The following CACNA1A variants were observed in gnomAD, a reference collection of about 807,000 sequenced individuals.
The protein encoded by CACNA1A is voltage-dependent P/Q-type calcium channel subunit alpha-1A.
A neutral mutation model predicts 262.4 loss-of-function variants in CACNA1A; 57 were observed. The ratio of observed to expected loss-of-function variants is 0.22; its 90% CI spans 0.18 to 0.27. CACNA1A has a LOEUF of 0.27. Ranked by LOEUF, CACNA1A falls within the 10% of genes least tolerant of loss-of-function variation. CACNA1A has a pLI of 1.00. For missense variants in CACNA1A, 2,526 were observed against 3,562.8 expected, an observed-to-expected ratio of 0.71 and a Z score of 7.41; for synonymous variants, 1,431 against 1,419.3, an observed-to-expected ratio of 1.01 and a Z score of -0.18.
chr19:13,377,996 A>G (rs1482733257), intron 3 of CACNA1A, among the ~76,000 whole-genome samples: 1 of 152,148 alleles, frequency 6.6e-6, no homozygotes, highest in Non-Finnish European at 1.5e-5. Context: ...CAACAAACAA[A>G]CAACAAAAAG....
intron 29 of CACNA1A, among the ~76,000 whole-genome samples, chr19:13,254,479 C>T (rs779434341): frequency 6.6e-6 from 1 of 152,008 alleles, no homozygotes; most frequent in Admixed American, 6.6e-5. Context: ...TCTCCTGCCT[C>T]AGCCTCCCGA....
chr19:13,385,535 C>CT (rs1177924674), intron 3 of CACNA1A, among the ~76,000 whole-genome samples: 2 of 151,664 alleles, frequency 1.3e-5, no homozygotes, highest in Admixed American at 1.3e-4. Context: ...GCCTTCTTTT[C>CT]TTTTTTAGAG....
chr19:13,319,848 A>G (rs1600320149), intron 10 of CACNA1A, among the ~76,000 whole-genome samples: 2 of 152,118 alleles, frequency 1.3e-5, no homozygotes, highest in African/African-American at 4.8e-5. Flanking sequence ...CGTCATCCCC[A>G]TTTTACAGCC....
At chr19:13,309,787 G>T (rs1000232938) in intron 12 of CACNA1A, among the ~76,000 whole-genome samples, 1 of 152,124 alleles carries the variant, frequency 6.6e-6, no homozygotes, top group Non-Finnish European at 1.5e-5. Flanking sequence ...CCTGAATTTT[G>T]TAATAACCAT....
At chr19:13,445,904 G>A (rs12609229) in intron 3 of CACNA1A, among the ~76,000 whole-genome samples, 1 of 152,008 alleles carries the variant, frequency 6.6e-6, no homozygotes, top group Non-Finnish European at 1.5e-5. Context: ...AAACACCGTG[G>A]TGGTCCACAC....
intron 38 of CACNA1A, among the ~76,000 whole-genome samples, chr19:13,215,775 C>G (rs1016084088): frequency 2.6e-5 from 4 of 152,096 alleles, no homozygotes; most frequent in Non-Finnish European, 5.9e-5. Flanking sequence ...CACCACCATG[C>G]CTGGCTATCA....
intron 1 of CACNA1A, among the ~76,000 whole-genome samples, chr19:13,479,731 G>A (rs1335823670): frequency 6.6e-6 from 1 of 152,224 alleles, no homozygotes; most frequent in Non-Finnish European, 1.5e-5. Flanking sequence ...GAGAGCCCAT[G>A]TCCCAGTGGC....
In CACNA1A at chr19:13,332,856, T is replaced by C. The variant is rs2058490266; in HGVS notation, c.1255+13A>G. The C allele has an allele frequency of 6.2e-7, 1 of 1,601,454 alleles. No homozygotes were observed. The highest frequency in any genetic ancestry group is 2.2e-5 in the East Asian group (1 of 44,810). On this transcript the variant is annotated intron_variant, in intron 9 of 46. Transcript: ENST00000360228. Reference sequence around the variant, plus strand: ...CCTGGGACCCACCCCTGAGGTGGGTTTAGAGCAGTTACCATCAAAGGGATG... The same window carrying C: ...CCTGGGACCCACCCCTGAGGTGGGTCTAGAGCAGTTACCATCAAAGGGATG...
At chr19:13,392,387 G>A (rs944262945) in intron 3 of CACNA1A, among the ~76,000 whole-genome samples, 16 of 152,202 alleles carry the variant, frequency 1.1e-4, no homozygotes, top group African/African-American at 1.4e-4. Flanking sequence ...GGAATGAGAA[G>A]ATAATGTGAC....
chr19:13,422,975 A>G (rs1405128731), intron 3 of CACNA1A, among the ~76,000 whole-genome samples: 1 of 152,214 alleles, frequency 6.6e-6, no homozygotes, highest in East Asian at 1.9e-4. Context: ...ACTGTAATAA[A>G]CCATAACTGA....
chr19:13,406,915 C>T (rs534189027), intron 3 of CACNA1A, among the ~76,000 whole-genome samples: 2 of 152,066 alleles, frequency 1.3e-5, no homozygotes, highest in South Asian at 4.2e-4. Context: ...ATTTCCCTCT[C>T]CCAACACACA....
At chr19:13,472,088 G>A (rs957470530) in intron 1 of CACNA1A, among the ~76,000 whole-genome samples, 1 of 151,672 alleles carries the variant, frequency 6.6e-6, no homozygotes, top group South Asian at 2.1e-4. Flanking sequence ...TCAGCCTCCC[G>A]GGTAGCTGGG....
intron 1 of CACNA1A, among the ~76,000 whole-genome samples, chr19:13,482,478 G>A (rs1599352281): frequency 8.7e-6 from 1 of 115,172 alleles, no homozygotes; most frequent in East Asian, 2.1e-4. Context: ...GTGAGACTCC[G>A]TCTCAAAAAA....
At position 13,207,598 on chromosome 19, in the gene CACNA1A, GC is replaced by G; in HGVS notation, c.7235del (p.Gly2412AlafsTer196). ...PGPRHHGYYR[G>X]SDYDEADGPG... ...GGCCATCGGCCTCGTCGTAGTCGGA[GC>G]CCCGGTAGTAGCCATGGTGCCGGGG... On this transcript the variant is annotated frameshift_variant, in exon 47 of 47. Coordinates refer to ENST00000360228, the MANE Select transcript of CACNA1A (RefSeq NM_001127222.2). LOFTEE classifies it high-confidence loss of function. This position sits in a 1 kb window ranked among gnomAD's most constrained non-coding sequence, Gnocchi z 5.7. The G allele has an allele frequency of 6.7e-7, 1 of 1,482,368 alleles. No individual in the cohort carries two copies. The allele number at this position is 1,482,368 out of a possible 1,614,324, so 91.8% of individuals were successfully genotyped here. A position where few individuals can be genotyped will look rare whatever the true frequency, so the allele number is the denominator to read the frequency against.
intron 3 of CACNA1A, among the ~76,000 whole-genome samples, chr19:13,414,398 T>A (rs2144754949): frequency 6.6e-6 from 1 of 151,808 alleles, no homozygotes; most frequent in East Asian, 1.9e-4. Flanking sequence ...AGGCTCTGTC[T>A]CAAAAAAAAA....
chr19:13,355,811 G>A (rs183344957), intron 6 of CACNA1A, among the ~76,000 whole-genome samples: 1 of 152,258 alleles, frequency 6.6e-6, no homozygotes, highest in East Asian at 1.9e-4. Context: ...TCTCTATGGT[G>A]GGGCAGAGGT....
chr19:13,394,757 C>T (rs971923088), intron 3 of CACNA1A, among the ~76,000 whole-genome samples: 6 of 152,150 alleles, frequency 3.9e-5, no homozygotes, highest in Non-Finnish European at 7.3e-5. Context: ...AAATGAAGTT[C>T]TCCGAAGCAG....
At chr19:13,437,018 T>C (rs2060624575) in intron 3 of CACNA1A, among the ~76,000 whole-genome samples, 1 of 152,204 alleles carries the variant, frequency 6.6e-6, no homozygotes, top group Non-Finnish European at 1.5e-5. Flanking sequence ...TTAAATACTT[T>C]ATGTATCATG....
intron 1 of CACNA1A, among the ~76,000 whole-genome samples, chr19:13,463,750 A>G (rs1175104524): frequency 6.6e-6 from 1 of 152,242 alleles, no homozygotes; most frequent in Non-Finnish European, 1.5e-5. Context: ...CATATTATCC[A>G]ACAATGTCCA....
Sources: allele counts gnomAD v4.1 joint callset (sites outside exome capture counted in the v4.1 genomes callset), GRCh38; gene constraint gnomAD v4.1.1; non-coding constraint Gnocchi (gnomAD v3.1); transcripts MANE v1.5; gene names NCBI Gene and HGNC (gene_info 2026-07-23, HGNC 2026-07-21).